The following SLCO3A1 variants were observed in gnomAD, a reference collection of about 807,000 sequenced individuals.
SLCO3A1 encodes the protein solute carrier organic anion transporter family member 3A1.
SLCO3A1 carries 27 observed loss-of-function variants against 63.1 expected under a neutral mutation model. The ratio of observed to expected loss-of-function variants is 0.43; its 90% CI spans 0.32 to 0.59. The LOEUF is 0.59. Among genes scored for constraint, SLCO3A1 ranks in the 20% least tolerant of loss-of-function variants. SLCO3A1 has a pLI of 0.09. For missense variants in SLCO3A1, 773 were observed against 945.8 expected (o/e 0.82, Z 2.40); for synonymous variants, 473 against 409.9 (o/e 1.15, Z -1.86).
At chr15:92,134,826 G>C (rs1424882019) in intron 7 of SLCO3A1, among the ~76,000 whole-genome samples, 1 of 152,106 alleles carries the variant, frequency 6.6e-6, no homozygotes, top group Non-Finnish European at 1.5e-5. Flanking sequence ...CAGCTGTGTA[G>C]ACAAATCAGT....
chr15:92,012,941 C>T (rs537321582), intron 2 of SLCO3A1, among the ~76,000 whole-genome samples: 5 of 152,278 alleles, frequency 3.3e-5, no homozygotes, highest in East Asian at 3.9e-4. Flanking sequence ...AGAACAACTG[C>T]GGTAGCAGGT....
intron 2 of SLCO3A1, among the ~76,000 whole-genome samples, chr15:92,081,721 G>A (rs944124367): frequency 6.6e-6 from 1 of 152,206 alleles, no homozygotes; most frequent in South Asian, 2.1e-4. Context: ...AAGGGCAGAG[G>A]CTGGTTCTAG....
intron 1 of SLCO3A1, among the ~76,000 whole-genome samples, chr15:91,876,821 A>G (rs950352344): frequency 2.0e-5 from 3 of 152,236 alleles, no homozygotes; most frequent in South Asian, 2.1e-4. Flanking sequence ...TCTGCTGTCC[A>G]GCATGGATGT....
At position 92,129,100 on chromosome 15, in the gene SLCO3A1, T is replaced by C. The variant is rs569133243; in HGVS notation, c.1512+611T>C. Among the ~76,000 whole-genome samples the C allele has an allele frequency of 7.2e-5, 11 of 152,304 alleles. No homozygotes were observed. The East Asian group carries it at 1.4e-3, about 19-fold the overall frequency. Reference sequence around the variant, plus strand: ...TGCTAAGTGACGGGTCATCCATTGGTGCTGATCCCACCTTCCAGGAGTCCT... The same window carrying C: ...TGCTAAGTGACGGGTCATCCATTGGCGCTGATCCCACCTTCCAGGAGTCCT... On this transcript the variant is annotated intron_variant, in intron 7 of 9. Coordinates refer to ENST00000318445, the MANE Select transcript of SLCO3A1 (RefSeq NM_013272.4).
intron 1 of SLCO3A1, among the ~76,000 whole-genome samples, chr15:91,901,176 G>A (rs1463094148): frequency 6.6e-6 from 1 of 152,010 alleles, no homozygotes; most frequent in Non-Finnish European, 1.5e-5. Context: ...GTGATTGCAT[G>A]TATGATATAT....
intron 2 of SLCO3A1, among the ~76,000 whole-genome samples, chr15:92,005,404 A>G (rs750361725): frequency 2.0e-5 from 3 of 152,214 alleles, no homozygotes; most frequent in Non-Finnish European, 2.9e-5. Context: ...TTGATGGTCT[A>G]TCTGTCACTG....
At chr15:91,895,748 G>C (rs1897987552) in intron 1 of SLCO3A1, among the ~76,000 whole-genome samples, 1 of 152,186 alleles carries the variant, frequency 6.6e-6, no homozygotes, top group Non-Finnish European at 1.5e-5. Flanking sequence ...GTGCACTCTA[G>C]CTTTCTTCTA....
At chr15:91,904,060 G>A (rs1458701828) in intron 1 of SLCO3A1, among the ~76,000 whole-genome samples, 1 of 58,852 alleles carries the variant, frequency 1.7e-5, no homozygotes, top group Non-Finnish European at 3.1e-5. Context: ...TCAGCGGGAG[G>A]GAGGGCCACG....
intron 1 of SLCO3A1, among the ~76,000 whole-genome samples, chr15:91,857,847 C>T (rs1281808875): frequency 2.6e-5 from 4 of 152,142 alleles, no homozygotes; most frequent in African/African-American, 7.2e-5. Context: ...TTTGAATTTC[C>T]TCAGGTTGAA....
chr15:91,977,175 A>T (rs1217314663), intron 2 of SLCO3A1, among the ~76,000 whole-genome samples: 1 of 152,128 alleles, frequency 6.6e-6, no homozygotes, highest in Non-Finnish European at 1.5e-5. Flanking sequence ...TTGTGCAAAA[A>T]CGTACTGCCT....
chr15:92,031,807 A>G (rs1171925425), intron 2 of SLCO3A1, among the ~76,000 whole-genome samples: 3 of 151,976 alleles, frequency 2.0e-5, no homozygotes, highest in Non-Finnish European at 2.9e-5. Flanking sequence ...ATTATAAATG[A>G]TTCAATTGCA....
chr15:92,162,525 C>T, intron 9 of SLCO3A1: 2 of 563,264 alleles, frequency 3.6e-6, no homozygotes, highest in Non-Finnish European at 6.0e-6. Context: ...CCCCATTTTG[C>T]AGATGAGGAA....
At chr15:92,059,451 T>TTCTTCCAGCTTCTTC (rs1315348920) in intron 2 of SLCO3A1, among the ~76,000 whole-genome samples, 3 of 152,172 alleles carry the variant, frequency 2.0e-5, no homozygotes, top group Non-Finnish European at 2.9e-5. Context: ...GCTTCTTCCG[T>TTCTTCCAGCTTCTTC]CACCCTTGTC....
At chr15:92,125,682 C>T (rs984657333) in intron 5 of SLCO3A1, among the ~76,000 whole-genome samples, 1 of 151,940 alleles carries the variant, frequency 6.6e-6, no homozygotes, top group Non-Finnish European at 1.5e-5. Context: ...CTCAAAAATG[C>T]TCACAGAGCA....
chr15:91,945,437 A>T (rs1020713261), intron 2 of SLCO3A1, among the ~76,000 whole-genome samples: 1 of 152,190 alleles, frequency 6.6e-6, no homozygotes, highest in Non-Finnish European at 1.5e-5. Context: ...TTACATTCTA[A>T]TAGGGAAGAC....
chr15:91,871,169 T>G (rs2151333836), intron 1 of SLCO3A1, among the ~76,000 whole-genome samples: 1 of 152,364 alleles, frequency 6.6e-6, no homozygotes, highest in African/African-American at 2.4e-5. Context: ...TTCTTCTTGC[T>G]ACCAAGCTGA....
rs573206319 is a variant in SLCO3A1 at position 91,970,549 on chromosome 15, G to T, written c.646+54091G>T. Among the ~76,000 whole-genome samples, 41 of 152,326 alleles carry T rather than the reference G, an allele frequency of 2.7e-4. No homozygotes were observed. The South Asian group carries it at 7.9e-3, about 29-fold the overall frequency. ...TGACCAGGAGGTGCTCCTGGAGAAT[G>T]AAAGCGGGTAGGTAGGAGACAAGTG... On this transcript the variant is annotated intron_variant, in intron 2 of 9. Coordinates refer to ENST00000318445, the MANE Select transcript of SLCO3A1 (RefSeq NM_013272.4).
At chr15:92,126,614 C>T (rs2151566597) in intron 6 of SLCO3A1, among the ~76,000 whole-genome samples, 1 of 152,284 alleles carries the variant, frequency 6.6e-6, no homozygotes. Context: ...TTGATTTCAA[C>T]AATTCCTTAA....
At chr15:91,965,723 T>G (rs1199666098) in intron 2 of SLCO3A1, among the ~76,000 whole-genome samples, 11 of 66,694 alleles carry the variant, frequency 1.6e-4, no homozygotes, top group South Asian at 5.4e-4. Context: ...GCCAGCAGGG[T>G]GTGTGTGTGT....
Sources: allele counts gnomAD v4.1 joint callset (sites outside exome capture counted in the v4.1 genomes callset), GRCh38; gene constraint gnomAD v4.1.1; transcripts MANE v1.5; gene names NCBI Gene and HGNC (gene_info 2026-07-23, HGNC 2026-07-21).